STARD9: variants seen among roughly 807,000 people sequenced by gnomAD.
STARD9 encodes stAR-related lipid transfer protein 9.
A neutral mutation model predicts 399.8 loss-of-function variants in STARD9; 346 were observed. That is an observed-to-expected ratio of 0.87 (90% CI 0.79 to 0.95). The LOEUF (loss-of-function observed/expected upper bound fraction) is 0.95, where lower values mean the gene tolerates loss of function less well. Among genes scored for constraint, STARD9 ranks in the 40% least tolerant of loss-of-function variants. STARD9 has a pLI of 0.00. For missense variants in STARD9, 5,832 were observed against 5,667.5 expected, an observed-to-expected ratio of 1.03 and a Z score of -0.93; for synonymous variants, 2,203 against 2,143.5, an observed-to-expected ratio of 1.03 and a Z score of -0.77.
chr15:42,708,196 T>C (rs2061132054), intron 26 of STARD9, among the ~76,000 whole-genome samples: 1 of 152,180 alleles, frequency 6.6e-6, no homozygotes. Flanking sequence ...AAGTTTGATA[T>C]AATAATCCTT....
chr15:42,658,469 C>A (rs1379640992), intron 9 of STARD9, among the ~76,000 whole-genome samples: 1 of 149,218 alleles, frequency 6.7e-6, no homozygotes, highest in Non-Finnish European at 1.5e-5. Context: ...ACCCACCATG[C>A]CTGGCCTTTT....
rs114784267 is a variant in STARD9, at chr15:42,704,776, G to C, written c.13284+8896G>C. ...CAAGGAAAAGTTTCATGCATAATTC[G>C]GTCTCCTTCCCTAAAGTAGATGGTG... On this transcript the variant is annotated intron_variant, in intron 26 of 32. Coordinates refer to ENST00000290607, the MANE Select transcript of STARD9 (RefSeq NM_020759.3). Among the ~76,000 whole-genome samples, 1,382 of 152,244 alleles carry C rather than the reference G, an allele frequency of 9.1e-3. 31 individuals carry two copies. The highest frequency in any genetic ancestry group is 0.032 in the African/African-American group (1,337 of 41,526).
intron 3 of STARD9, among the ~76,000 whole-genome samples, chr15:42,597,622 C>A (rs1214558466): frequency 6.6e-6 from 1 of 152,006 alleles, no homozygotes. Context: ...CTGCAGCCTC[C>A]ACCTCCTGAG....
intron 27 of STARD9, 76 bp from the exon 28 acceptor site, chr15:42,716,851 G>A: frequency 6.5e-7 from 1 of 1,529,308 alleles, no homozygotes; most frequent in East Asian, 2.4e-5. Flanking sequence ...TGAGTCACTG[G>A]TCTGTGGGAG....
intron 9 of STARD9, among the ~76,000 whole-genome samples, chr15:42,655,491 A>G (rs980643534): frequency 2.6e-5 from 4 of 152,240 alleles, no homozygotes; most frequent in African/African-American, 4.8e-5. Context: ...TGGGGAAAGG[A>G]CACCCTATTC....
At chr15:42,584,896 TGAAATCTGAAATCCTTC>T (rs2058244229) in intron 2 of STARD9, among the ~76,000 whole-genome samples, 1 of 152,214 alleles carries the variant, frequency 6.6e-6, no homozygotes, top group South Asian at 2.1e-4. Flanking sequence ...TTTGAAAATT[TGAAATCTGAAATCCTTC>T]AAAATCTGAA....
chr15:42,619,344 T>C (rs1357706898), intron 3 of STARD9, among the ~76,000 whole-genome samples: 1 of 152,072 alleles, frequency 6.6e-6, no homozygotes, highest in Non-Finnish European at 1.5e-5. Flanking sequence ...TAATGTAGTA[T>C]GTAACCTTTT....
intron 1 of STARD9, among the ~76,000 whole-genome samples, chr15:42,577,357 G>C (rs549739758): frequency 6.6e-6 from 1 of 152,128 alleles, no homozygotes; most frequent in Non-Finnish European, 1.5e-5. Flanking sequence ...GTTTCACTGT[G>C]TTAGCCAGGA....
At chr15:42,638,643 G>A in intron 6 of STARD9, 57 bp from the exon 7 acceptor site, 1 of 1,255,010 alleles carries the variant, frequency 8.0e-7, no homozygotes, top group Non-Finnish European at 1.1e-6. Flanking sequence ...TTAGCTCAAT[G>A]TTGTTTCTAC....
Position 42,689,235 on chromosome 15 carries a change from G to A in STARD9, c.7657G>A (p.Glu2553Lys). Residue 2553 changes from glutamate to lysine, a missense_variant, in exon 23 of 33, where the codon GAG becomes AAG. Physicochemically the swap from Glu to Lys is moderately conservative, Grantham distance 56. Transcript: ENST00000290607. Reference protein sequence around the residue: ...DHASMCLAILEEIRQAKAQRK... With the variant: ...DHASMCLAILKEIRQAKAQRK... ...TGCATCCATGTGCCTGGCCATCTTGGAGGAGATCAGACAGGCAAAGGCCCA... is the reference window on the plus strand; with the variant it reads ...TGCATCCATGTGCCTGGCCATCTTGAAGGAGATCAGACAGGCAAAGGCCCA... 6.5e-7 allele frequency: 1 copy of A among 1,537,288 alleles called. No homozygotes were observed. Among genetic ancestry groups the A allele is most frequent in the Non-Finnish European group, 8.7e-7 (1 of 1,146,916 alleles).
chr15:42,611,450 A>G (rs776682956), intron 3 of STARD9, among the ~76,000 whole-genome samples: 41 of 152,328 alleles, frequency 2.7e-4, no homozygotes, highest in Middle Eastern at 3.4e-3. Context: ...TGATGGAAGG[A>G]AAGCCTTCTT....
At chr15:42,681,221 A>G (rs1233697804) in intron 20 of STARD9, among the ~76,000 whole-genome samples, 1 of 152,182 alleles carries the variant, frequency 6.6e-6, no homozygotes. Context: ...TGCCAGTTTA[A>G]TGACCATTCT....
intron 24 of STARD9, 63 bp from the exon 25 acceptor site, chr15:42,695,077 G>C: frequency 3.7e-6 from 5 of 1,341,988 alleles, no homozygotes; most frequent in Non-Finnish European, 5.0e-6. Context: ...AGCTAGCCTT[G>C]GATGGACAGA....
intron 26 of STARD9, among the ~76,000 whole-genome samples, chr15:42,711,929 C>T (rs969067924): frequency 6.1e-5 from 9 of 146,676 alleles, no homozygotes; most frequent in Non-Finnish European, 8.9e-5. Flanking sequence ...AGTATATGAG[C>T]AGTGTGTTTC....
chr15:42,661,610 T>G (rs192654674), intron 10 of STARD9, among the ~76,000 whole-genome samples: 51 of 149,388 alleles, frequency 3.4e-4, no homozygotes, highest in African/African-American at 1.2e-3. Flanking sequence ...ACATCTGGCT[T>G]TCTTTCTTTC....
At position 42,694,197 on chromosome 15, in the gene STARD9, TCA is replaced by T. The variant is rs1319920458; in HGVS notation, c.12621_12622del (p.Leu4208GlnfsTer34). 6.5e-7 allele frequency: 1 copy of T among 1,535,696 alleles called. No homozygotes were observed. The highest frequency in any genetic ancestry group is 8.7e-7 in the Non-Finnish European group (1 of 1,146,264). ...IPLQVGAQNL[S>X]LSVELTEAKL... ...CCTGCAAGTTGGGGCCCAGAACCTC[TCA>T]CTCAGCGTGGAACTCACAGAAGCGA... On this transcript the variant is annotated frameshift_variant, in exon 23 of 33. Transcript: ENST00000290607. LOFTEE classifies it high-confidence loss of function.
intron 3 of STARD9, among the ~76,000 whole-genome samples, chr15:42,597,203 CTCTTACCTCAG>C (rs1363102264): frequency 6.6e-6 from 1 of 152,096 alleles, no homozygotes; most frequent in Admixed American, 6.6e-5. Context: ...CTAAGCAGTC[CTCTTACCTCAG>C]TCTCCCATGT....
intron 9 of STARD9, among the ~76,000 whole-genome samples, chr15:42,654,849 C>G (rs1040586877): frequency 6.6e-6 from 1 of 152,202 alleles, no homozygotes; most frequent in Non-Finnish European, 1.5e-5. Context: ...AATGGCCATA[C>G]TGCCTAAAGC....
Position 42,691,659 on chromosome 15 carries a change from C to A in STARD9, c.10081C>A (p.Pro3361Thr). The A allele has an allele frequency of 6.5e-7, 1 of 1,537,268 alleles. No homozygotes were observed. The highest frequency in any genetic ancestry group is 1.2e-5 in the South Asian group (1 of 84,056). The change falls in exon 23 of 33, where the codon CCA (proline) becomes ACA (threonine). Residue 3361 changes from proline (P) to threonine (T), a missense_variant. Physicochemically the swap from Pro to Thr is conservative, Grantham distance 38. This residue lies in a region of STARD9 where 5,828 missense variants were observed against 5,651.1 expected (regional missense o/e 1.03). Coordinates refer to ENST00000290607, the MANE Select transcript of STARD9 (RefSeq NM_020759.3). ...DTQGPNRLWNPHLRGYSSGKS... is the reference protein window; with the variant it reads ...DTQGPNRLWNTHLRGYSSGKS... ...ACAGGGGCCTAACAGATTGTGGAAC[C>A]CACATCTCAGGGGCTATTCCTCAGG...
Sources: allele counts gnomAD v4.1 joint callset (sites outside exome capture counted in the v4.1 genomes callset), GRCh38; gene constraint gnomAD v4.1.1; regional missense constraint gnomAD v4.1.1; transcripts MANE v1.5; gene names NCBI Gene and HGNC (gene_info 2026-07-23, HGNC 2026-07-21).